The following IQCM variants were observed in gnomAD, a reference collection of about 807,000 sequenced individuals.
The protein encoded by IQCM is IQ motif containing M, also known as IQ domain-containing protein M.
In IQCM, 45 loss-of-function variants were observed where a neutral mutation model predicts 57.6. The ratio of observed to expected loss-of-function variants is 0.78; its 90% CI spans 0.62 to 1.00. IQCM has a LOEUF of 1.00. IQCM is among the 50% of genes least tolerant of loss of function. The pLI is 0.00. For synonymous variants in IQCM, 148 were observed against 158.9 expected (o/e 0.93, Z 0.51); for missense variants, 468 against 511.6 (o/e 0.91, Z 0.82).
At chr4:149,716,613 G>A (rs1050819193) in intron 5 of IQCM, among the ~76,000 whole-genome samples, 3 of 152,140 alleles carry the variant, frequency 2.0e-5, no homozygotes, top group Non-Finnish European at 4.4e-5. Flanking sequence ...AAGCCTGCCC[G>A]GCTGCAGCCG....
intron 2 of IQCM, among the ~76,000 whole-genome samples, chr4:149,746,467 T>G (rs933367268): frequency 7.9e-5 from 12 of 152,226 alleles, no homozygotes; most frequent in African/African-American, 2.9e-4. Flanking sequence ...TGCCAATTCA[T>G]TCTCCACACA....
chr4:149,757,441 T>A lies in IQCM; in HGVS notation c.-48-14702A>T, dbSNP rs116401887. Among the ~76,000 whole-genome samples the A allele has an allele frequency of 6.1e-3, 928 of 152,058 alleles. 9 individuals are homozygous for A. The highest frequency in any genetic ancestry group is 0.021 in the African/African-American group (874 of 41,530). On this transcript the variant is annotated intron_variant, in intron 2 of 13. Transcript: ENST00000636793. ...AAGACAATTCAGCTCAGGTTGGCTA[T>A]AAAAGCTATAGTTAAAACCAAAGAA...
chr4:149,368,785 T>C (rs1329228548), intron 13 of IQCM, among the ~76,000 whole-genome samples: 1 of 114,178 alleles, frequency 8.8e-6, no homozygotes, highest in East Asian at 2.4e-4. Context: ...TATATACATG[T>C]ATATATATAC....
At chr4:149,696,202 A>C (rs1666748533) in intron 5 of IQCM, among the ~76,000 whole-genome samples, 1 of 152,104 alleles carries the variant, frequency 6.6e-6, no homozygotes, top group Non-Finnish European at 1.5e-5. Flanking sequence ...TCAAAGATAC[A>C]ATGACTTCCA....
At chr4:149,612,842 T>C (rs1156251984) in intron 8 of IQCM, among the ~76,000 whole-genome samples, 1 of 152,150 alleles carries the variant, frequency 6.6e-6, no homozygotes, top group African/African-American at 2.4e-5. Flanking sequence ...ACCTTGGGCA[T>C]CAATACTCCT....
At chr4:149,783,199 G>T (rs1771773413) in intron 2 of IQCM, among the ~76,000 whole-genome samples, 1 of 152,030 alleles carries the variant, frequency 6.6e-6, no homozygotes, top group South Asian at 2.1e-4. Flanking sequence ...CTTTTTTCCA[G>T]CCATCCCACA....
At chr4:149,632,880 G>A (rs990270395) in intron 7 of IQCM, among the ~76,000 whole-genome samples, 3 of 152,016 alleles carry the variant, frequency 2.0e-5, no homozygotes, top group South Asian at 2.1e-4. Flanking sequence ...AGCAAATATC[G>A]GCCGGGCGCG....
At chr4:149,652,835 T>A (rs1264631810) in intron 7 of IQCM, among the ~76,000 whole-genome samples, 1 of 152,144 alleles carries the variant, frequency 6.6e-6, no homozygotes, top group Non-Finnish European at 1.5e-5. Flanking sequence ...AAAAAGTTAC[T>A]GAAGTTAAAT....
intron 12 of IQCM, among the ~76,000 whole-genome samples, chr4:149,509,724 T>C (rs887770422): frequency 1.3e-5 from 2 of 152,128 alleles, no homozygotes; most frequent in East Asian, 1.9e-4. Context: ...TATATAAATA[T>C]ATATCATTAA....
chr4:149,392,137 T>C (rs1241922462), intron 13 of IQCM, among the ~76,000 whole-genome samples: 1 of 151,424 alleles, frequency 6.6e-6, no homozygotes, highest in African/African-American at 2.4e-5. Flanking sequence ...TTTTTTTTTT[T>C]TCACATAGTT....
At chr4:149,754,532 T>A (rs1214260069) in intron 2 of IQCM, among the ~76,000 whole-genome samples, 1 of 152,216 alleles carries the variant, frequency 6.6e-6, no homozygotes, top group Non-Finnish European at 1.5e-5. Context: ...TAAATCTAAT[T>A]GTCAATCTTA....
At chr4:149,551,368 T>A (rs1263293248) in intron 11 of IQCM, among the ~76,000 whole-genome samples, 1 of 152,154 alleles carries the variant, frequency 6.6e-6, no homozygotes, top group Non-Finnish European at 1.5e-5. Context: ...CATTAATTAT[T>A]TTTTTCAAAC....
rs199524293 is a variant in IQCM, at chr4:149,407,163, T to TC, written c.1390+26232dup. ...GGAAACCACCACCATGATTCAATTA[T>TC]CCCCCCCCAGGTCCCTCCCACAGCT... is the stretch of plus-strand genomic sequence containing the variant. On this transcript the variant is annotated intron_variant, in intron 13 of 13. Coordinates refer to ENST00000636793, the MANE Select transcript of IQCM (RefSeq NM_001363507.2). Among the ~76,000 whole-genome samples the TC allele has an allele frequency of 9.5e-3, 1,439 of 151,594 alleles. 16 individuals carry two copies. Among genetic ancestry groups the TC allele is most frequent in the African/African-American group, 0.033 (1,360 of 41,350 alleles).
intron 13 of IQCM, among the ~76,000 whole-genome samples, chr4:149,359,608 A>C (rs1212869840): frequency 6.6e-6 from 1 of 152,182 alleles, no homozygotes; most frequent in Non-Finnish European, 1.5e-5. Context: ...TAATATGCTG[A>C]ATACACGATT....
intron 2 of IQCM, among the ~76,000 whole-genome samples, chr4:149,787,305 T>C (rs1431520959): frequency 1.3e-5 from 2 of 149,784 alleles, no homozygotes; most frequent in Non-Finnish European, 3.0e-5. Context: ...TTAGAAGAAA[T>C]ACAGGAATAA....
At chr4:149,664,344 G>A (rs191867863) in intron 7 of IQCM, among the ~76,000 whole-genome samples, 21 of 152,110 alleles carry the variant, frequency 1.4e-4, no homozygotes, top group Middle Eastern at 6.8e-3. Flanking sequence ...GTTGCATTGA[G>A]GGTGTCATAT....
chr4:149,358,387 C>T (rs1375530627), intron 13 of IQCM, among the ~76,000 whole-genome samples: 1 of 152,132 alleles, frequency 6.6e-6, no homozygotes, highest in African/African-American at 2.4e-5. Context: ...GCATTTAGCG[C>T]TATAAATTTC....
At chr4:149,526,270 A>G (rs1746147336) in intron 12 of IQCM, among the ~76,000 whole-genome samples, 1 of 151,986 alleles carries the variant, frequency 6.6e-6, no homozygotes, top group Non-Finnish European at 1.5e-5. Context: ...CTAACTGGAG[A>G]ATGACTGAAT....
chr4:149,738,562 G>A (rs1020374688), intron 3 of IQCM, among the ~76,000 whole-genome samples: 1 of 152,142 alleles, frequency 6.6e-6, no homozygotes, highest in South Asian at 2.1e-4. Flanking sequence ...GGGCCAGAAA[G>A]CAGATCTTGA....
Sources: allele counts gnomAD v4.1 joint callset (sites outside exome capture counted in the v4.1 genomes callset), GRCh38; gene constraint gnomAD v4.1.1; transcripts MANE v1.5; gene names NCBI Gene and HGNC (gene_info 2026-07-23, HGNC 2026-07-21).